ARHGAP42: variants seen among roughly 807,000 people sequenced by gnomAD.
ARHGAP42 encodes the protein Rho GTPase activating protein 42.
Under a neutral mutation model 125.0 loss-of-function variants are expected in ARHGAP42, and 63 were observed. The ratio of observed to expected loss-of-function variants is 0.50; its 90% CI spans 0.41 to 0.62. The LOEUF (loss-of-function observed/expected upper bound fraction) is 0.62, where lower values mean the gene tolerates loss of function less well. Among genes scored for constraint, ARHGAP42 ranks in the 20% least tolerant of loss-of-function variants. The pLI is 0.00. For synonymous variants in ARHGAP42, 339 were observed against 351.0 expected, an observed-to-expected ratio of 0.97 and a Z score of 0.38; for missense variants, 766 against 1,024.2, an observed-to-expected ratio of 0.75 and a Z score of 3.44.
intron 1 of ARHGAP42, among the ~76,000 whole-genome samples, chr11:100,751,773 CTTTTTTTTTTTTT>C (rs757372755): frequency 1.2e-5 from 1 of 84,416 alleles, no homozygotes; most frequent in Non-Finnish European, 2.3e-5. Context: ...AGACAGGCAC[CTTTTTTTTTTTTT>C]TTTTTTTTTT....
At chr11:100,770,830 C>T (rs929796311) in intron 2 of ARHGAP42, among the ~76,000 whole-genome samples, 6 of 152,200 alleles carry the variant, frequency 3.9e-5, no homozygotes, top group Admixed American at 6.5e-5. Context: ...CCACCCGCCT[C>T]GACCTCCCAA....
intron 2 of ARHGAP42, among the ~76,000 whole-genome samples, chr11:100,779,104 A>C (rs1863203688): frequency 6.6e-6 from 1 of 152,116 alleles, no homozygotes; most frequent in African/African-American, 2.4e-5. Context: ...CTTTTACAGA[A>C]ATGAATCACT....
chr11:100,967,094 C>G (rs1407262147), intron 17 of ARHGAP42, among the ~76,000 whole-genome samples: 2 of 152,164 alleles, frequency 1.3e-5, no homozygotes, highest in Non-Finnish European at 2.9e-5. Context: ...CAGATCACCA[C>G]AAATTTACTT....
intron 3 of ARHGAP42, among the ~76,000 whole-genome samples, chr11:100,798,827 G>A (rs902101440): frequency 2.0e-5 from 3 of 152,224 alleles, no homozygotes; most frequent in East Asian, 1.9e-4. Flanking sequence ...GACACAGTAT[G>A]GTATTATTTT....
chr11:100,862,225 G>A (rs1018288183), intron 4 of ARHGAP42, among the ~76,000 whole-genome samples: 1 of 152,144 alleles, frequency 6.6e-6, no homozygotes, highest in African/African-American at 2.4e-5. Flanking sequence ...AAATCACAGA[G>A]CTGATCTGAA....
chr11:100,739,805 C>T (rs1862144698), intron 1 of ARHGAP42, among the ~76,000 whole-genome samples: 1 of 152,024 alleles, frequency 6.6e-6, no homozygotes, highest in Admixed American at 6.6e-5. Flanking sequence ...AATGTTGTTC[C>T]AAGGGTTCCT....
chr11:100,824,713 G>A (rs1272554685), intron 3 of ARHGAP42, among the ~76,000 whole-genome samples: 2 of 152,132 alleles, frequency 1.3e-5, no homozygotes, highest in African/African-American at 4.8e-5. Flanking sequence ...TCCATGCTCT[G>A]AATTTTGGGG....
At chr11:100,909,286 T>C (rs1866842647) in intron 4 of ARHGAP42, among the ~76,000 whole-genome samples, 1 of 151,892 alleles carries the variant, frequency 6.6e-6, no homozygotes, top group Admixed American at 6.6e-5. Context: ...GTTTTAGTCG[T>C]ACATTCTTTC....
chr11:100,738,970 C>T (rs1253779532), intron 1 of ARHGAP42, among the ~76,000 whole-genome samples: 1 of 152,116 alleles, frequency 6.6e-6, no homozygotes, highest in African/African-American at 2.4e-5. Context: ...ATAAAGAAAG[C>T]ATGTATTTCA....
intron 3 of ARHGAP42, among the ~76,000 whole-genome samples, chr11:100,822,434 A>G (rs767181228): frequency 6.6e-6 from 1 of 152,116 alleles, no homozygotes; most frequent in Non-Finnish European, 1.5e-5. Flanking sequence ...TATAATAATA[A>G]TACATAAAAT....
rs34640167 is a variant in ARHGAP42, at chr11:100,744,538, CTGTGTG to C, written c.155-25784_155-25779del. ...TCTTGAATTTGTTTTATATTTTACT[CTGTGTG>C]TGTGTGTGTGTGTGTGTGTGCGTGC... is the stretch of plus-strand genomic sequence containing the variant. On this transcript the variant is annotated intron_variant, in intron 1 of 23. Transcript: ENST00000298815. Among the ~76,000 whole-genome samples, 147 of 148,636 alleles carry C rather than the reference CTGTGTG, an allele frequency of 9.9e-4. 1 individual carries two copies. In the Middle Eastern group the frequency reaches 0.021, roughly 22 times the overall value.
chr11:100,780,315 A>T (rs1227371355), intron 2 of ARHGAP42, among the ~76,000 whole-genome samples: 1 of 152,178 alleles, frequency 6.6e-6, no homozygotes, highest in African/African-American at 2.4e-5. Flanking sequence ...TATGGTTAGT[A>T]AAAAATAATC....
At chr11:100,782,487 A>G (rs1863337983) in intron 2 of ARHGAP42, among the ~76,000 whole-genome samples, 1 of 152,252 alleles carries the variant, frequency 6.6e-6, no homozygotes, top group Admixed American at 6.5e-5. Context: ...TCAGAAATTA[A>G]TGGAACTAAT....
intron 4 of ARHGAP42, among the ~76,000 whole-genome samples, chr11:100,874,747 C>CT (rs1417950077): frequency 6.6e-6 from 1 of 152,106 alleles, no homozygotes; most frequent in Admixed American, 6.6e-5. Flanking sequence ...CGTATCTTTC[C>CT]TTTTTAAAAT....
intron 1 of ARHGAP42, among the ~76,000 whole-genome samples, chr11:100,707,291 A>G (rs2120224323): frequency 6.6e-6 from 1 of 152,352 alleles, no homozygotes; most frequent in South Asian, 2.1e-4. Flanking sequence ...TGGGTCATAT[A>G]GTAACTCTGT....
At position 100,933,138 on chromosome 11, in the gene ARHGAP42, ATC is replaced by A. The variant is rs1237910661; in HGVS notation, c.598-14_598-13del. The stretch of plus-strand genomic sequence containing the variant: ...TAAAACACATTTTCATGGTTTCTTT[ATC>A]TCTTTATCTTTGCAGCTTTTGTCAT... On this transcript the variant is annotated splice_polypyrimidine_tract_variant and intron_variant, in intron 6 of 23. Transcript: ENST00000298815. 1 of 1,491,836 alleles carries A rather than the reference ATC, an allele frequency of 6.7e-7. No homozygotes were observed. The highest frequency in any genetic ancestry group is 9.1e-7 in the Non-Finnish European group (1 of 1,099,392). 92.4% of individuals were successfully genotyped at this position (1,491,836 alleles called of 1,614,324 possible). A position where few individuals can be genotyped will look rare whatever the true frequency, so the allele number is the denominator to read the frequency against.
chr11:100,848,613 C>T (rs1865127571), intron 3 of ARHGAP42, among the ~76,000 whole-genome samples: 1 of 151,898 alleles, frequency 6.6e-6, no homozygotes, highest in South Asian at 2.1e-4. Context: ...AAGTGATTCT[C>T]CTGCCTCAGG....
intron 1 of ARHGAP42, among the ~76,000 whole-genome samples, chr11:100,710,894 T>C (rs912891454): frequency 6.6e-6 from 1 of 152,206 alleles, no homozygotes; most frequent in African/African-American, 2.4e-5. Context: ...TCAGGCTCTT[T>C]ATGGCCACTT....
Position 100,976,830 on chromosome 11 carries a change from G to C in ARHGAP42, c.2252G>C (p.Ser751Thr). Residue 751 changes from serine (S) to threonine (T), a missense_variant, in exon 21 of 24, where the codon AGT becomes ACT. Physicochemically the swap from Ser to Thr is moderately conservative, Grantham distance 58. Transcript: ENST00000298815. ...TTCTTTTTAGGAAACAAGAGCTACA[G>C]TGGATCTATTCAAAGCTTAACTTCT... ...ISAAEGNKSY[S>T]GSIQSLTSVG... 6.4e-7 allele frequency: 1 copy of C among 1,550,582 alleles called. No homozygotes were observed. Among genetic ancestry groups the C allele is most frequent in the Non-Finnish European group, 8.7e-7 (1 of 1,146,736 alleles).
Sources: allele counts gnomAD v4.1 joint callset (sites outside exome capture counted in the v4.1 genomes callset), GRCh38; gene constraint gnomAD v4.1.1; transcripts MANE v1.5; gene names NCBI Gene and HGNC (gene_info 2026-07-23, HGNC 2026-07-21).